The following TMEM260 variants were observed in gnomAD, a reference collection of about 807,000 sequenced individuals.
TMEM260 encodes transmembrane protein 260.
TMEM260 carries 82 observed loss-of-function variants against 88.9 expected under a neutral mutation model. The observed-to-expected ratio is 0.92, with a 90% confidence interval of 0.77 to 1.11. TMEM260 has a LOEUF of 1.11. Among genes scored for constraint, TMEM260 ranks in the 50% least tolerant of loss-of-function variants. TMEM260 has a pLI of 0.00. For synonymous variants in TMEM260, 314 were observed against 309.3 expected (o/e 1.02, Z -0.16); for missense variants, 902 against 853.4 (o/e 1.06, Z -0.71).
chr14:56,641,915 A>C (rs1194129733), intron 15 of TMEM260, among the ~76,000 whole-genome samples: 1 of 152,094 alleles, frequency 6.6e-6, no homozygotes, highest in Non-Finnish European at 1.5e-5. Flanking sequence ...GAGACAAAGA[A>C]GGCCATTACA....
chr14:56,612,142 T>A, intron 6 of TMEM260, 103 bp from the exon 7 acceptor site: 1 of 1,140,174 alleles, frequency 8.8e-7, no homozygotes, highest in Non-Finnish European at 1.3e-6. Context: ...ATTAAAAAAT[T>A]GTTTTAAGAA....
At chr14:56,652,863 T>C (rs17091920), downstream of TMEM260, among the ~76,000 whole-genome samples, 7,985 of 152,308 alleles carry the variant, frequency 0.052, 407 homozygotes, top group African/African-American at 0.12. Context: ...CATTAACCTA[T>C]GCAGTCGCCT....
chr14:56,601,290 G>C (rs150427610), intron 3 of TMEM260, among the ~76,000 whole-genome samples: 1 of 152,218 alleles, frequency 6.6e-6, no homozygotes, highest in Non-Finnish European at 1.5e-5. Context: ...TGAATGTTGA[G>C]TTTTCTTCCT....
At chr14:56,642,920 G>C (rs755646352) in intron 15 of TMEM260, among the ~76,000 whole-genome samples, 77 of 152,130 alleles carry the variant, frequency 5.1e-4, no homozygotes, top group Non-Finnish European at 9.4e-4. Context: ...TAGAAGAAAT[G>C]GATAAATTCC....
At chr14:56,640,444 T>C (rs1311998111) in intron 15 of TMEM260, among the ~76,000 whole-genome samples, 13 of 152,084 alleles carry the variant, frequency 8.5e-5, no homozygotes, top group African/African-American at 2.9e-4. Context: ...TCCTGACTGT[T>C]AGAAGGAAAA....
At chr14:56,656,585 T>A in the TMEM260 span, among the ~76,000 whole-genome samples, 1 of 152,212 alleles carries the variant, frequency 6.6e-6, no homozygotes, top group Non-Finnish European at 1.5e-5. Context: ...TCATGTTGGC[T>A]GTTTTCATTA....
chr14:56,640,446 G>C (rs1326375550), intron 15 of TMEM260, among the ~76,000 whole-genome samples: 1 of 152,186 alleles, frequency 6.6e-6, no homozygotes, highest in Admixed American at 6.5e-5. Context: ...CTGACTGTTA[G>C]AAGGAAAACT....
chr14:56,603,860 T>C lies in TMEM260; in HGVS notation c.390T>C (p.Phe130=), dbSNP rs1385349540. ...GAGGAATCCTTGCTGCGGGGGTGTT[T>C]TCATTTTCTCGTCTAACATGGCAGT... ...SAGGILAAGV[F]SFSRLTWQWS... is the part of the protein sequence containing the mutation. Residue 130 remains phenylalanine (F), a synonymous_variant, in exon 4 of 16, where the codon TTT becomes TTC. Coordinates refer to ENST00000261556, the MANE Select transcript of TMEM260 (RefSeq NM_017799.4). 1.9e-6 allele frequency: 3 copies of C among 1,613,910 alleles called. No individual in the cohort carries two copies. Among genetic ancestry groups the C allele is most frequent in the Non-Finnish European group, 2.5e-6 (3 of 1,179,826 alleles).
chr14:56,615,530 C>T (rs1194993105), intron 7 of TMEM260: 1 of 153,662 alleles, frequency 6.5e-6, no homozygotes, highest in Non-Finnish European at 1.4e-5. Flanking sequence ...CATATTAGAT[C>T]TCCAGAAATC....
At position 56,605,608 on chromosome 14, in the gene TMEM260, A is replaced by G. The variant is rs749724466; in HGVS notation, c.561A>G (p.Leu187=). 1.9e-6 allele frequency: 3 copies of G among 1,581,816 alleles called. No homozygotes were observed. Among genetic ancestry groups the G allele is most frequent in the African/African-American group, 2.7e-5 (2 of 73,082 alleles). ...GTGCTTTCTGCTGTGGCCTTAGTTT[A>G]TGTAACCAGCACACAATAATACTCT... The part of the protein sequence containing the change: ...KIGAFCCGLS[L]CNQHTIILYV... The change falls in exon 5 of 16, where the codon TTA becomes TTG. Residue 187 remains leucine (L), a synonymous_variant. Coordinates refer to ENST00000261556, the MANE Select transcript of TMEM260 (RefSeq NM_017799.4).
chr14:56,591,129 A>G (rs541234387), intron 3 of TMEM260, among the ~76,000 whole-genome samples: 1 of 152,362 alleles, frequency 6.6e-6, no homozygotes, highest in Non-Finnish European at 1.5e-5. Flanking sequence ...AAAAACATTT[A>G]AATTGCTAAA....
At chr14:56,638,942 G>C (rs531444549) in intron 15 of TMEM260, among the ~76,000 whole-genome samples, 2 of 152,168 alleles carry the variant, frequency 1.3e-5, no homozygotes, top group South Asian at 4.2e-4. Context: ...AGAATGATGG[G>C]CTTCTCAAGA....
chr14:56,627,102 G>C (rs1025710956), intron 12 of TMEM260, among the ~76,000 whole-genome samples: 7 of 151,990 alleles, frequency 4.6e-5, no homozygotes, highest in Admixed American at 6.6e-5. Context: ...GGGATATTCT[G>C]TTTCTAGACT....
chr14:56,636,653 G>A, intron 15 of TMEM260, 55 bp downstream of exon 15: 1 of 1,458,344 alleles, frequency 6.9e-7, no homozygotes. Flanking sequence ...AGGTGATGGT[G>A]ATTGTTCAGA....
At chr14:56,597,844 T>C (rs972734525) in intron 3 of TMEM260, among the ~76,000 whole-genome samples, 3 of 152,166 alleles carry the variant, frequency 2.0e-5, no homozygotes, top group Non-Finnish European at 4.4e-5. Flanking sequence ...GAAAAGAAGC[T>C]TTGATGATCA....
intron 10 of TMEM260, among the ~76,000 whole-genome samples, chr14:56,620,294 A>G (rs895847832): frequency 6.6e-6 from 1 of 152,208 alleles, no homozygotes; most frequent in African/African-American, 2.4e-5. Flanking sequence ...ACATAAAATA[A>G]AAGTTAAAAA....
chr14:56,645,179 A>G (rs967071970), intron 15 of TMEM260, among the ~76,000 whole-genome samples: 33 of 151,406 alleles, frequency 2.2e-4, no homozygotes, highest in African/African-American at 8.0e-4. Context: ...ATGCTGCTAT[A>G]AAGACACATG....
chr14:56,624,667 C>G (rs906886498), intron 11 of TMEM260, among the ~76,000 whole-genome samples: 1 of 152,114 alleles, frequency 6.6e-6, no homozygotes, highest in Admixed American at 6.5e-5. Flanking sequence ...TCTAGGAGCT[C>G]ACAGTCTGGT....
intron 13 of TMEM260, among the ~76,000 whole-genome samples, chr14:56,634,179 C>T (rs1888846547): frequency 6.6e-6 from 1 of 152,164 alleles, no homozygotes; most frequent in Non-Finnish European, 1.5e-5. Context: ...AAAGCTCCAG[C>T]AGTGATTTTC....
Sources: allele counts gnomAD v4.1 joint callset (sites outside exome capture counted in the v4.1 genomes callset), GRCh38; gene constraint gnomAD v4.1.1; transcripts MANE v1.5; gene names NCBI Gene and HGNC (gene_info 2026-07-23, HGNC 2026-07-21).